Variants in NTRK1 observed in about 807,000 individuals in gnomAD.
NTRK1 encodes neurotrophic receptor tyrosine kinase 1.
In NTRK1, 62 loss-of-function variants were observed where a neutral mutation model predicts 86.8. That is an observed-to-expected ratio of 0.71 (90% CI 0.58 to 0.88). The LOEUF (loss-of-function observed/expected upper bound fraction) is 0.88, where lower values mean the gene tolerates loss of function less well. Among genes scored for constraint, NTRK1 ranks in the 40% least tolerant of loss-of-function variants. NTRK1 has a pLI of 0.00. For synonymous variants in NTRK1, 469 were observed against 456.6 expected, an observed-to-expected ratio of 1.03 and a Z score of -0.35; for missense variants, 967 against 1,078.4, an observed-to-expected ratio of 0.90 and a Z score of 1.45.
chr1:156,858,642 T>G, upstream of NTRK1: 1 of 1,608,392 alleles, frequency 6.2e-7, no homozygotes, highest in South Asian at 1.1e-5. Context: ...CTGGCTTGTG[T>G]CCAGTCCCGG....
chr1:156,854,170 G>T lies in NTRK1; in HGVS notation c.51-10184G>T. 6.2e-7 allele frequency: 1 copy of T among 1,614,154 alleles called. No homozygotes were observed. The highest frequency in any genetic ancestry group is 8.5e-7 in the Non-Finnish European group (1 of 1,180,028). The stretch of plus-strand genomic sequence containing the variant: ...AGTCGGTGACCTGGGTGAGGCGAGG[G>T]AAGCTGAGGCCGCGGAAGTCCTCCC... On this transcript the variant is annotated intron_variant, in intron 2 of 16. Transcript: ENST00000392302. The surrounding 1 kb of genome is among the most constrained non-coding windows in gnomAD (Gnocchi z 4.2).
intron 1 of NTRK1, among the ~76,000 whole-genome samples, chr1:156,824,496 C>A (rs77299097): frequency 6.6e-6 from 1 of 152,276 alleles, no homozygotes; most frequent in East Asian, 1.9e-4. Context: ...AACCAGCTTG[C>A]GCCTGGTTTG....
intron 14 of NTRK1, 108 bp from the exon 15 acceptor site, chr1:156,879,014 G>GGCCCCCA: frequency 1.5e-6 from 2 of 1,310,146 alleles, no homozygotes; most frequent in African/African-American, 2.9e-5. Flanking sequence ...TCCACTTCCA[G>GGCCCCCA]GTCCCCAGTC....
chr1:156,832,400 G>C (rs1352813736), intron 1 of NTRK1, among the ~76,000 whole-genome samples: 1 of 152,178 alleles, frequency 6.6e-6, no homozygotes, highest in Non-Finnish European at 1.5e-5. Flanking sequence ...TTTGGGAGAA[G>C]GGGTATAAGA....
At position 156,868,551 on chromosome 1, in the gene NTRK1, G is replaced by T. The variant is rs1433469828; in HGVS notation, c.621G>T (p.Val207=). The T allele has an allele frequency of 2.6e-6, 4 of 1,557,680 alleles. No homozygotes were observed. Among genetic ancestry groups the T allele is most frequent in the Non-Finnish European group, 3.5e-6 (4 of 1,150,364 alleles). Reference sequence around the variant, plus strand: ...AGGTGCCCAATGCCTCGGTGGATGTGGGGGACGACGTGCTGCTGCGGTGCC... The same window carrying T: ...AGGTGCCCAATGCCTCGGTGGATGTTGGGGACGACGTGCTGCTGCGGTGCC... ...KVQVPNASVD[V]GDDVLLRCQV... Residue 207 remains valine, a synonymous_variant, in exon 6 of 17, where the codon GTG becomes GTT. Coordinates refer to ENST00000524377, the MANE Select transcript of NTRK1 (RefSeq NM_002529.4).
intron 1 of NTRK1, among the ~76,000 whole-genome samples, chr1:156,833,007 G>T (rs1015508359): frequency 6.6e-6 from 1 of 152,136 alleles, no homozygotes; most frequent in Non-Finnish European, 1.5e-5. Flanking sequence ...TTTGGTGCTG[G>T]GGCCATACAG....
upstream of NTRK1, among the ~76,000 whole-genome samples, chr1:156,859,449 C>T (rs1328310774): frequency 6.6e-6 from 1 of 152,158 alleles, no homozygotes; most frequent in Non-Finnish European, 1.5e-5. The surrounding 1 kb of genome is among the most constrained non-coding windows in gnomAD (Gnocchi z 6.2). Context: ...TGTCTAGATT[C>T]TGCTTCCCGG....
intron 1 of NTRK1, 85 bp downstream of exon 1, chr1:156,861,231 T>G: frequency 6.9e-7 from 1 of 1,458,416 alleles, no homozygotes; most frequent in Non-Finnish European, 9.2e-7. Flanking sequence ...GCTTGTTTGC[T>G]GGTCAGGCAG....
At chr1:156,820,100 G>A (rs1474261626) in intron 1 of NTRK1, among the ~76,000 whole-genome samples, 1 of 152,070 alleles carries the variant, frequency 6.6e-6, no homozygotes, top group East Asian at 1.9e-4. Flanking sequence ...AATTTTTATG[G>A]TTTCAGCCCT....
At chr1:156,829,977 G>A (rs1482942589) in intron 1 of NTRK1, among the ~76,000 whole-genome samples, 1 of 152,160 alleles carries the variant, frequency 6.6e-6, no homozygotes, top group Non-Finnish European at 1.5e-5. Context: ...TATTTGAAAA[G>A]GGCCAAACAA....
intron 11 of NTRK1, 81 bp from the exon 12 acceptor site, chr1:156,875,439 G>A (rs2102914678): frequency 6.3e-7 from 1 of 1,576,588 alleles, no homozygotes; most frequent in Non-Finnish European, 8.7e-7. Flanking sequence ...CAAGGTGGGG[G>A]TGACCAGGCA....
At chr1:156,855,212 T>TATCTATCTATCATC (rs60194471) in intron 2 of NTRK1, among the ~76,000 whole-genome samples, 1 of 28,570 alleles carries the variant, frequency 3.5e-5, no homozygotes, top group Non-Finnish European at 1.0e-4. Context: ...ATCTATCTAT[T>TATCTATCTATCATC]TATTTATTTG....
Position 156,816,018 on chromosome 1 carries a change from C to G in NTRK1, c.-64+180C>G, listed in dbSNP as rs145574758. 5.6e-3 allele frequency: 9,049 copies of G among 1,613,916 alleles called. 39 individuals are homozygous for G. The highest frequency in any genetic ancestry group is 0.011 in the Middle Eastern group (68 of 6,062). ...GGTTTCCACTCACCGCAGTGTAGCC[C>G]AGGTTCTGGCAGCTCCTGCGGGTCA... On this transcript the variant is annotated intron_variant, in intron 1 of 16. Transcript: ENST00000392302.
chr1:156,843,059 C>T, intron 2 of NTRK1: 1 of 1,614,216 alleles, frequency 6.2e-7, no homozygotes, highest in Non-Finnish European at 8.5e-7. Context: ...GAACTCAATG[C>T]ATTCCCGTGG....
intron 10 of NTRK1, 45 bp from the exon 11 acceptor site, chr1:156,874,861 G>A (rs2102911608): frequency 1.4e-6 from 2 of 1,430,354 alleles, no homozygotes; most frequent in Non-Finnish European, 2.0e-6. Flanking sequence ...GGCTCTGAGA[G>A]TACAGGAGGA....
chr1:156,845,253 C>G lies in NTRK1; in HGVS notation c.50+3060C>G, dbSNP rs375340161. Reference sequence around the variant, plus strand: ...ATCTCGAAATCCGAGCTGTTGCCCCCCAGCCGGAGGGGCCCAGCTGCCCGG... The same window carrying G: ...ATCTCGAAATCCGAGCTGTTGCCCCGCAGCCGGAGGGGCCCAGCTGCCCGG... On this transcript the variant is annotated intron_variant, in intron 2 of 16. Coordinates refer to the NTRK1 transcript ENST00000392302. The G allele has an allele frequency of 2.5e-6, 4 of 1,611,474 alleles. No individual in the cohort carries two copies. In the African/African-American group the frequency reaches 5.3e-5, roughly 22 times the overall value.
chr1:156,872,075 C>T (rs1647593589), intron 7 of NTRK1, among the ~76,000 whole-genome samples: 1 of 152,168 alleles, frequency 6.6e-6, no homozygotes, highest in South Asian at 2.1e-4. Flanking sequence ...GGGTCCTTCT[C>T]CCCGCATCCT....
rs1366524483 is a variant in NTRK1, at chr1:156,868,084, G to A, written c.429-20G>A. The A allele has an allele frequency of 6.2e-7, 1 of 1,613,404 alleles. No homozygotes were observed. The highest frequency in any genetic ancestry group is 1.3e-5 in the African/African-American group (1 of 74,910). ...TCAGGCCCTTTCCTTGACTCTGTTG[G>A]TGTCCCCCATGCCCCCCAGGGTCCT... On this transcript the variant is annotated intron_variant, in intron 4 of 16. Transcript: ENST00000524377.
At chr1:156,833,574 A>G (rs567786989) in intron 1 of NTRK1, among the ~76,000 whole-genome samples, 2 of 152,204 alleles carry the variant, frequency 1.3e-5, no homozygotes, top group Non-Finnish European at 2.9e-5. Flanking sequence ...TAAACAAAAA[A>G]AAGGTGTATG....
Sources: allele counts gnomAD v4.1 joint callset (sites outside exome capture counted in the v4.1 genomes callset), GRCh38; gene constraint gnomAD v4.1.1; non-coding constraint Gnocchi (gnomAD v3.1); transcripts MANE v1.5; gene names NCBI Gene and HGNC (gene_info 2026-07-23, HGNC 2026-07-21).